The following CTU2 variants were observed in gnomAD, a reference collection of about 807,000 sequenced individuals.
CTU2 encodes the protein cytosolic thiouridylase subunit 2, also known as cytoplasmic tRNA 2-thiolation protein 2.
A neutral mutation model predicts 64.1 loss-of-function variants in CTU2; 80 were observed. The observed-to-expected ratio is 1.25, with a 90% confidence interval of 1.04 to 1.50. The LOEUF (loss-of-function observed/expected upper bound fraction) is 1.50, where lower values mean the gene tolerates loss of function less well. Among genes scored for constraint, CTU2 ranks in the 40% most tolerant of loss-of-function variants. The pLI is 0.00. For missense variants in CTU2, 1,110 were observed against 690.2 expected (o/e 1.61, Z -6.81); for synonymous variants, 482 against 285.3 (o/e 1.69, Z -6.95).
chr16:88,710,500 C>T (rs1192843338), intron 4 of CTU2: 3 of 568,902 alleles, frequency 5.3e-6, no homozygotes, highest in Non-Finnish European at 9.4e-6. Context: ...GATGTGTTTA[C>T]AGCAGGTGCA....
chr16:88,712,703 G>T lies in CTU2; in HGVS notation c.535G>T (p.Asp179Tyr). The T allele has an allele frequency of 1.2e-6, 2 of 1,610,388 alleles. No homozygotes were observed. The highest frequency in any genetic ancestry group is 8.5e-7 in the Non-Finnish European group (1 of 1,179,386). ...CGAGGGGGCCTACAAGGCGGCCGTG[G>T]ACAGCTTCCTCCAGCAGCAGCATGT... ...GSEGAYKAAV[D>Y]SFLQQQHVLG... Residue 179 changes from aspartate (D) to tyrosine (Y), a missense_variant, in exon 7 of 15, where the codon GAC becomes TAC. Transcript: ENST00000453996.
intron 12 of CTU2, 22 bp downstream of exon 12, chr16:88,714,759 C>G: frequency 6.2e-7 from 1 of 1,605,408 alleles, no homozygotes; most frequent in Non-Finnish European, 8.5e-7. Flanking sequence ...TCCCTGCCAC[C>G]CATGGCCAGC....
At chr16:88,714,280 G>T (rs868851958) in intron 10 of CTU2, 53 bp downstream of exon 10, 1 of 1,208,254 alleles carries the variant, frequency 8.3e-7, no homozygotes, top group Middle Eastern at 1.8e-4. Context: ...TGCTGTGCGC[G>T]GGTGTGTGCG....
Position 88,715,357 on chromosome 16 carries a change from A to G in CTU2, c.*106A>G. The stretch of plus-strand genomic sequence containing the variant: ...CTGGCCTCTGATTGTCCATTTGTAT[A>G]AATAAAACATTTTTTAATTAAAAAA... On this transcript the variant is annotated 3_prime_UTR_variant, in exon 15 of 15. Transcript: ENST00000453996. 8.0e-7 allele frequency: 1 copy of G among 1,244,766 alleles called. No homozygotes were observed. The highest frequency in any genetic ancestry group is 1.1e-6 in the Non-Finnish European group (1 of 907,684). The allele number at this position is 1,244,766 out of a possible 1,614,324, so 77.1% of individuals were successfully genotyped here.
chr16:88,714,462 T>G lies in CTU2; in HGVS notation c.1177T>G (p.Cys393Gly). 1 of 1,612,538 alleles carries G rather than the reference T, an allele frequency of 6.2e-7. No homozygotes were observed. Among genetic ancestry groups the G allele is most frequent in the Non-Finnish European group, 8.5e-7 (1 of 1,179,832 alleles). Reference sequence around the variant, plus strand: ...CGGCCCCCGCTGCCTCCTCTGCATGTGTGCCCTGGACGTCGACGCCGCTGG... The same window carrying G: ...CGGCCCCCGCTGCCTCCTCTGCATGGGTGCCCTGGACGTCGACGCCGCTGG... ...DSGPRCLLCM[C>G]ALDVDAADSA... Residue 393 changes from cysteine (C) to glycine (G), a missense_variant, in exon 11 of 15, where the codon TGT (cysteine) becomes GGT (glycine). Cys to Gly is a radical substitution (Grantham distance 159). Coordinates refer to ENST00000453996, the MANE Select transcript of CTU2 (RefSeq NM_001012759.3).
chr16:88,712,447 C>T, intron 6 of CTU2, 64 bp downstream of exon 6: 1 of 1,476,724 alleles, frequency 6.8e-7, no homozygotes, highest in Non-Finnish European at 9.2e-7. Flanking sequence ...TGCCCGTGTC[C>T]CAGCCTCACT....
chr16:88,714,846 C>G lies in CTU2; in HGVS notation c.1353-14C>G. ...GGTGCCAAGGTGGGCACACAGCCAG[C>G]TCTGCTCCCGCAGGGAGGACCCCCA... is the stretch of plus-strand genomic sequence containing the variant. On this transcript the variant is annotated splice_polypyrimidine_tract_variant and intron_variant, in intron 12 of 14. Coordinates refer to ENST00000453996, the MANE Select transcript of CTU2 (RefSeq NM_001012759.3). 2 of 1,612,532 alleles carry G rather than the reference C, an allele frequency of 1.2e-6. No individual in the cohort carries two copies. Among genetic ancestry groups the G allele is most frequent in the South Asian group, 1.1e-5 (1 of 91,076 alleles).
At position 88,715,376 on chromosome 16, in the gene CTU2, T is replaced by TAAA; in HGVS notation, c.*133_*135dup. On this transcript the variant is annotated 3_prime_UTR_variant, in exon 15 of 15. Transcript: ENST00000453996. ...TTGTATAAATAAAACATTTTTTAATTAAAAAAAAAACTCTACAGTACACGT... is the reference window on the plus strand; with the variant it reads ...TTGTATAAATAAAACATTTTTTAATTAAAAAAAAAAAAACTCTACAGTACACGT... The TAAA allele has an allele frequency of 9.2e-7, 1 of 1,087,758 alleles. No homozygotes were observed. Among genetic ancestry groups the TAAA allele is most frequent in the Non-Finnish European group, 1.3e-6 (1 of 789,740 alleles). The allele number at this position is 1,087,758 out of a possible 1,614,324, so 67.4% of individuals were successfully genotyped here. A position where few individuals can be genotyped will look rare whatever the true frequency, so the allele number is the denominator to read the frequency against.
intron 4 of CTU2, among the ~76,000 whole-genome samples, chr16:88,711,211 C>T (rs934341623): frequency 6.6e-6 from 1 of 152,160 alleles, no homozygotes; most frequent in African/African-American, 2.4e-5. Flanking sequence ...CTGTGTAACG[C>T]TGGTGCTGCC....
intron 1 of CTU2, 71 bp from the exon 2 acceptor site, chr16:88,707,065 C>A (rs1341697636): frequency 6.6e-7 from 1 of 1,508,168 alleles, no homozygotes; most frequent in African/African-American, 1.4e-5. Context: ...GGAGCTGTCT[C>A]CCCAAAGCCC....
chr16:88,710,177 C>G, intron 3 of CTU2, 46 bp from the exon 4 acceptor site: 1 of 1,609,376 alleles, frequency 6.2e-7, no homozygotes, highest in Non-Finnish European at 8.5e-7. Context: ...GGGTGTCTGC[C>G]TGTGTTGGAG....
intron 12 of CTU2, 47 bp downstream of exon 12, chr16:88,714,784 G>C (rs1911777528): frequency 6.2e-7 from 1 of 1,607,686 alleles, no homozygotes; most frequent in Admixed American, 1.7e-5. Context: ...TGGGGCGGGA[G>C]GGGGACCTGT....
rs1002259542 is a variant in CTU2, at chr16:88,713,513, G to A, written c.873+66G>A. On this transcript the variant is annotated intron_variant, in intron 8 of 14. Transcript: ENST00000453996. ...TTCACCCCTTCGGCCACCTTTACTG[G>A]AGAGTAGCCTCTCGCGTATCAGTCC... 22 of 1,538,736 alleles carry A rather than the reference G, an allele frequency of 1.4e-5. No homozygotes were observed. The East Asian group carries it at 4.1e-4, about 29-fold the overall frequency.
intron 1 of CTU2, 59 bp from the exon 2 acceptor site, chr16:88,707,077 C>A: frequency 5.1e-6 from 8 of 1,559,320 alleles, no homozygotes; most frequent in Non-Finnish European, 7.1e-6. Context: ...CCAAAGCCCA[C>A]TAGGCGTGGG....
Position 88,713,783 on chromosome 16 carries a change from G to T in CTU2, c.1005+5G>T. 6.2e-7 allele frequency: 1 copy of T among 1,612,390 alleles called. No individual in the cohort carries two copies. Among genetic ancestry groups the T allele is most frequent in the Non-Finnish European group, 8.5e-7 (1 of 1,179,646 alleles). On this transcript the variant is annotated splice_donor_5th_base_variant and intron_variant, in intron 9 of 14. Coordinates refer to ENST00000453996, the MANE Select transcript of CTU2 (RefSeq NM_001012759.3). ...ACACCAGCCGTCGACACCAAGGTGG[G>T]CCTTGTGGGCTGGGCAACCTCTCTC... is the stretch of plus-strand genomic sequence containing the variant.
At chr16:88,711,595 T>A in intron 4 of CTU2, 40 bp from the exon 5 acceptor site, 2 of 1,558,082 alleles carry the variant, frequency 1.3e-6, no homozygotes, top group East Asian at 4.6e-5. Flanking sequence ...GTCCTGTGGC[T>A]TATGGCTGGG....
intron 1 of CTU2, 184 bp from the exon 2 acceptor site, chr16:88,706,951 TC>T: frequency 1.6e-6 from 1 of 609,362 alleles, no homozygotes. Context: ...AGGCTAAACA[TC>T]CCCCCAGAGC....
Position 88,707,151 on chromosome 16 carries a change from T to C in CTU2, c.84T>C (p.Cys28=). ...PAPRPSREQK[C]VKCKEAQPVV... is the part of the protein sequence containing the mutation. ...ATCTCCAAAGCCGTGAGCAGAAGTG[T>C]GTGAAGTGCAAGGAAGCGCAGCCCG... The change falls in exon 2 of 15, where the codon TGT becomes TGC. Residue 28 remains cysteine (C), a synonymous_variant. Coordinates refer to ENST00000453996, the MANE Select transcript of CTU2 (RefSeq NM_001012759.3). The C allele has an allele frequency of 6.2e-7, 1 of 1,613,796 alleles. No individual in the cohort carries two copies. The highest frequency in any genetic ancestry group is 8.5e-7 in the Non-Finnish European group (1 of 1,179,932).
intron 12 of CTU2, 57 bp from the exon 13 acceptor site, chr16:88,714,803 C>G: frequency 1.2e-6 from 2 of 1,610,830 alleles, no homozygotes; most frequent in East Asian, 2.2e-5. Flanking sequence ...GTCCTTACCC[C>G]ACACTGCACG....
Sources: allele counts gnomAD v4.1 joint callset (sites outside exome capture counted in the v4.1 genomes callset), GRCh38; gene constraint gnomAD v4.1.1; transcripts MANE v1.5; gene names NCBI Gene and HGNC (gene_info 2026-07-23, HGNC 2026-07-21).